GRIK4: variants seen among roughly 807,000 people sequenced by gnomAD.
GRIK4 encodes glutamate ionotropic receptor kainate type subunit 4.
In GRIK4, 40 loss-of-function variants were observed where a neutral mutation model predicts 104.9. The ratio of observed to expected loss-of-function variants is 0.38; its 90% CI spans 0.30 to 0.50. GRIK4 has a LOEUF of 0.50. Among genes scored for constraint, GRIK4 ranks in the 20% least tolerant of loss-of-function variants. The probability of loss-of-function intolerance (pLI) is 0.93; values close to 1 mark genes in which losing one functional copy is unlikely to be tolerated. For missense variants in GRIK4, 1,047 were observed against 1,308.1 expected (o/e 0.80, Z 3.08); for synonymous variants, 485 against 524.9 (o/e 0.92, Z 1.04).
At chr11:120,958,931 G>A (rs1944227249) in intron 16 of GRIK4, among the ~76,000 whole-genome samples, 1 of 152,192 alleles carries the variant, frequency 6.6e-6, no homozygotes. Flanking sequence ...TAGGGCAGAA[G>A]AGCTGAGGCA....
intron 19 of GRIK4, among the ~76,000 whole-genome samples, chr11:120,969,889 T>C (rs1462748334): frequency 6.6e-6 from 1 of 152,078 alleles, no homozygotes. Flanking sequence ...GATCTCCCTC[T>C]CCCCTCACCA....
chr11:120,636,669 G>A (rs555947784), intron 1 of GRIK4, among the ~76,000 whole-genome samples: 3 of 152,098 alleles, frequency 2.0e-5, no homozygotes, highest in Non-Finnish European at 4.4e-5. Flanking sequence ...GTGAAACCCT[G>A]TCTCCACTAA....
At chr11:120,923,959 C>G (rs1943282945) in intron 13 of GRIK4, among the ~76,000 whole-genome samples, 1 of 152,118 alleles carries the variant, frequency 6.6e-6, no homozygotes, top group Non-Finnish European at 1.5e-5. Flanking sequence ...AGACTGGTCC[C>G]TCTCCCCTGG....
At chr11:120,528,261 G>T (rs572675421) in intron 1 of GRIK4, among the ~76,000 whole-genome samples, 1 of 152,116 alleles carries the variant, frequency 6.6e-6, no homozygotes, top group African/African-American at 2.4e-5. Context: ...ACAGGTGCCC[G>T]CCACCACGCC....
chr11:120,620,927 A>C (rs577747444), intron 1 of GRIK4, among the ~76,000 whole-genome samples: 2 of 152,344 alleles, frequency 1.3e-5, no homozygotes, highest in African/African-American at 4.8e-5. Flanking sequence ...CTTACTGTTG[A>C]GGCTCGGAGA....
At chr11:120,778,077 C>G (rs1952078525) in intron 3 of GRIK4, among the ~76,000 whole-genome samples, 1 of 152,132 alleles carries the variant, frequency 6.6e-6, no homozygotes, top group Admixed American at 6.5e-5. Context: ...CTAAGTGAGG[C>G]ATTGAACTGG....
chr11:120,594,726 T>A (rs1384055478), intron 1 of GRIK4, among the ~76,000 whole-genome samples: 1 of 152,200 alleles, frequency 6.6e-6, no homozygotes, highest in African/African-American at 2.4e-5. Context: ...AGGGAAGGTG[T>A]GCCCTCCTGT....
chr11:120,658,796 T>C (rs983004811), intron 2 of GRIK4, among the ~76,000 whole-genome samples: 6 of 133,592 alleles, frequency 4.5e-5, no homozygotes, highest in African/African-American at 1.7e-4. Flanking sequence ...TCCCCCAGGC[T>C]GCAGTGCAGT....
In GRIK4 at chr11:120,751,130, A is replaced by G. The variant is rs1487731604; in HGVS notation, c.83-51563A>G. Among the ~76,000 whole-genome samples the G allele has an allele frequency of 2.6e-5, 4 of 152,158 alleles. No homozygotes were observed. In the East Asian group the frequency reaches 7.8e-4, roughly 30 times the overall value. On this transcript the variant is annotated intron_variant, in intron 3 of 20. Transcript: ENST00000527524. The stretch of plus-strand genomic sequence containing the variant: ...AGGGAGCGATTCTTTTCACCTTGGC[A>G]TGGCCCCCCAGGCTTGCTCACCACC...
intron 3 of GRIK4, among the ~76,000 whole-genome samples, chr11:120,677,210 C>G (rs1165518983): frequency 6.6e-6 from 1 of 152,206 alleles, no homozygotes; most frequent in Non-Finnish European, 1.5e-5. Flanking sequence ...TCTCGCCACT[C>G]CTAACATGTC....
chr11:120,896,555 T>C (rs2134472244), intron 11 of GRIK4, among the ~76,000 whole-genome samples: 1 of 152,326 alleles, frequency 6.6e-6, no homozygotes, highest in Non-Finnish European at 1.5e-5. Flanking sequence ...ATAAGGCTCC[T>C]GCCTGGAACT....
intron 1 of GRIK4, among the ~76,000 whole-genome samples, chr11:120,526,516 A>T (rs1329772273): frequency 6.6e-6 from 1 of 152,180 alleles, no homozygotes; most frequent in East Asian, 1.9e-4. Context: ...TTTTCTGTGT[A>T]AACAGTATAC....
chr11:120,821,252 A>G (rs968554854), intron 6 of GRIK4, among the ~76,000 whole-genome samples: 3 of 152,226 alleles, frequency 2.0e-5, no homozygotes, highest in African/African-American at 7.2e-5. Flanking sequence ...GTCCCTGAGT[A>G]CAGGGTGCTA....
At chr11:120,833,234 C>A (rs548008199) in intron 7 of GRIK4, among the ~76,000 whole-genome samples, 1 of 152,072 alleles carries the variant, frequency 6.6e-6, no homozygotes, top group Admixed American at 6.6e-5. Context: ...TGTCTGTGTG[C>A]GTATACCCAA....
chr11:120,710,939 A>G (rs1950721241), intron 3 of GRIK4, among the ~76,000 whole-genome samples: 1 of 151,056 alleles, frequency 6.6e-6, no homozygotes, highest in African/African-American at 2.4e-5. Context: ...CATTCCCAGA[A>G]GGCAGTGCAG....
At chr11:120,567,571 A>G (rs1458906292) in intron 1 of GRIK4, among the ~76,000 whole-genome samples, 1 of 152,260 alleles carries the variant, frequency 6.6e-6, no homozygotes, top group Non-Finnish European at 1.5e-5. Context: ...GGTTTGGTAC[A>G]GACACATGGA....
At chr11:120,522,683 A>G (rs1221573509) in intron 1 of GRIK4, among the ~76,000 whole-genome samples, 2 of 152,124 alleles carry the variant, frequency 1.3e-5, no homozygotes, top group African/African-American at 4.8e-5. Context: ...ATGTGAAGCT[A>G]CCTAATGAAC....
chr11:120,917,782 A>G (rs895889714), intron 13 of GRIK4, among the ~76,000 whole-genome samples: 1 of 152,208 alleles, frequency 6.6e-6, no homozygotes, highest in Non-Finnish European at 1.5e-5. Flanking sequence ...AGCTCCTTCA[A>G]ACCCCATTGG....
chr11:120,923,263 G>A (rs2850804), intron 13 of GRIK4, among the ~76,000 whole-genome samples: 52,856 of 151,966 alleles, frequency 0.35, 9,438 homozygotes, highest in East Asian at 0.41. Flanking sequence ...GGGATGTTGC[G>A]GCCCAAAGCA....
Sources: allele counts gnomAD v4.1 joint callset (sites outside exome capture counted in the v4.1 genomes callset), GRCh38; gene constraint gnomAD v4.1.1; transcripts MANE v1.5; gene names NCBI Gene and HGNC (gene_info 2026-07-23, HGNC 2026-07-21).